Variants in CLASP2 observed in about 807,000 individuals in gnomAD.
CLASP2 encodes CLIP-associating protein 2.
In CLASP2, 47 loss-of-function variants were observed where a neutral mutation model predicts 194.4. The observed-to-expected ratio is 0.24, with a 90% CI of 0.19 to 0.31. The LOEUF is 0.31. CLASP2 is among the 10% of genes least tolerant of loss of function. The probability of loss-of-function intolerance (pLI) is 1.00; values close to 1 mark genes in which losing one functional copy is unlikely to be tolerated. For missense variants in CLASP2, 1,445 were observed against 1,823.6 expected (o/e 0.79, Z 3.78); for synonymous variants, 619 against 633.5 (o/e 0.98, Z 0.34).
intron 34 of CLASP2, among the ~76,000 whole-genome samples, chr3:33,528,250 C>A (rs187716775): frequency 3.3e-5 from 5 of 152,180 alleles, no homozygotes; most frequent in Non-Finnish European, 2.9e-5. Context: ...CTGCTTCATG[C>A]TAAAAACTCT....
At chr3:33,500,430 T>G (rs903605643) in intron 38 of CLASP2, among the ~76,000 whole-genome samples, 2 of 152,256 alleles carry the variant, frequency 1.3e-5, no homozygotes, top group Admixed American at 1.3e-4. Context: ...GTGCTGAATT[T>G]TAATTGTTTT....
chr3:33,624,842 C>T (rs894723333), intron 10 of CLASP2, among the ~76,000 whole-genome samples: 1 of 151,942 alleles, frequency 6.6e-6, no homozygotes, highest in African/African-American at 2.4e-5. Context: ...AAAATAAATA[C>T]ATTTAAATAT....
At chr3:33,528,929 G>C (rs1422853848) in intron 34 of CLASP2, among the ~76,000 whole-genome samples, 1 of 152,106 alleles carries the variant, frequency 6.6e-6, no homozygotes, top group Non-Finnish European at 1.5e-5. Flanking sequence ...AAACCCCATA[G>C]TCTCAGCCCA....
At chr3:33,545,789 A>G (rs963138415) in intron 30 of CLASP2, among the ~76,000 whole-genome samples, 2 of 152,104 alleles carry the variant, frequency 1.3e-5, no homozygotes, top group Admixed American at 1.3e-4. Flanking sequence ...GTGTGCTTGT[A>G]ATCCCAGCTA....
intron 23 of CLASP2, among the ~76,000 whole-genome samples, chr3:33,579,180 A>G (rs894219124): frequency 6.6e-6 from 1 of 152,196 alleles, no homozygotes; most frequent in African/African-American, 2.4e-5. Flanking sequence ...AACTATGACT[A>G]AAAGGTTTAG....
chr3:33,710,813 T>C (rs1232608762), intron 1 of CLASP2, among the ~76,000 whole-genome samples: 2 of 152,154 alleles, frequency 1.3e-5, no homozygotes, highest in Non-Finnish European at 2.9e-5. Flanking sequence ...CATACACCTG[T>C]AGTCCCAGCT....
chr3:33,602,470 T>C (rs539775238), intron 18 of CLASP2: 6 of 712,656 alleles, frequency 8.4e-6, no homozygotes, highest in East Asian at 7.6e-5. Context: ...ACTTTTTAAT[T>C]TGATAGACAT....
chr3:33,510,861 G>T, intron 36 of CLASP2, 97 bp from the exon 37 acceptor site: 1 of 1,095,276 alleles, frequency 9.1e-7, no homozygotes, highest in Non-Finnish European at 1.3e-6. Context: ...TATAATATAT[G>T]GAATTTGCTT....
chr3:33,609,682 C>T (rs961081327), intron 13 of CLASP2, among the ~76,000 whole-genome samples: 1 of 152,142 alleles, frequency 6.6e-6, no homozygotes, highest in African/African-American at 2.4e-5. Context: ...ATAATCTGTA[C>T]CCTTAGTTCT....
At chr3:33,710,581 A>G (rs935903848) in intron 1 of CLASP2, among the ~76,000 whole-genome samples, 3 of 152,100 alleles carry the variant, frequency 2.0e-5, no homozygotes, top group Non-Finnish European at 4.4e-5. Flanking sequence ...TCCAAAATAA[A>G]TAAATAATAA....
intron 30 of CLASP2, chr3:33,545,090 A>C: frequency 3.5e-6 from 1 of 281,776 alleles, no homozygotes; most frequent in Non-Finnish European, 6.5e-6. Flanking sequence ...AGACAATGGA[A>C]AAGTTAACCA....
rs1560199646 is a variant in CLASP2 at position 33,592,710 on chromosome 3, T to G, written c.1967-214A>C. Reference sequence around the variant, plus strand: ...AATTTTCCTTCAAGGATAAGAAGAATCAAACTAAAAGATTTACATTCTTAG... The same window carrying G: ...AATTTTCCTTCAAGGATAAGAAGAAGCAAACTAAAAGATTTACATTCTTAG... On this transcript the variant is annotated intron_variant, in intron 20 of 38. Coordinates refer to ENST00000682230, the MANE Select transcript of CLASP2 (RefSeq NM_001365631.1). 3 of 604,794 alleles carry G rather than the reference T, an allele frequency of 5.0e-6. No homozygotes were observed. The African/African-American group carries it at 5.6e-5, about 11-fold the overall frequency. The allele number at this position is 604,794 out of a possible 1,614,324, so 37.5% of individuals were successfully genotyped here.
chr3:33,527,952 G>A (rs2055069429), intron 34 of CLASP2, among the ~76,000 whole-genome samples: 2 of 152,008 alleles, frequency 1.3e-5, no homozygotes, highest in South Asian at 4.2e-4. Flanking sequence ...GACAGAGCGA[G>A]ACTGTCTCAA....
intron 10 of CLASP2, among the ~76,000 whole-genome samples, chr3:33,623,476 A>G (rs1381583926): frequency 6.6e-6 from 1 of 151,750 alleles, no homozygotes; most frequent in Admixed American, 6.6e-5. Flanking sequence ...CTCTATCTCA[A>G]GTTCAATTTT....
intron 20 of CLASP2, among the ~76,000 whole-genome samples, chr3:33,594,157 T>C (rs1407514462): frequency 6.6e-6 from 1 of 152,220 alleles, no homozygotes; most frequent in Non-Finnish European, 1.5e-5. Context: ...AATCATGTTT[T>C]TATACAGTAT....
chr3:33,633,336 T>G (rs1287527569), intron 8 of CLASP2, among the ~76,000 whole-genome samples: 1 of 151,966 alleles, frequency 6.6e-6, no homozygotes, highest in African/African-American at 2.4e-5. Flanking sequence ...CCCCAACCAA[T>G]AAGTGGGGCA....
At chr3:33,619,510 G>T in intron 12 of CLASP2, 93 bp downstream of exon 12, 2 of 1,080,976 alleles carry the variant, frequency 1.9e-6, no homozygotes, top group Non-Finnish European at 2.6e-6. Context: ...TGAGAGAGAG[G>T]GGTGGGGTGG....
intron 34 of CLASP2, among the ~76,000 whole-genome samples, chr3:33,534,000 C>T (rs2056847223): frequency 6.6e-6 from 1 of 152,138 alleles, no homozygotes; most frequent in African/African-American, 2.4e-5. Context: ...CAGGAGTGAG[C>T]CACTGCGCCT....
At chr3:33,692,503 C>T (rs974912390) in intron 2 of CLASP2, among the ~76,000 whole-genome samples, 1 of 152,182 alleles carries the variant, frequency 6.6e-6, no homozygotes, top group African/African-American at 2.4e-5. Flanking sequence ...TGCACTGGAT[C>T]GCTTTTTAAC....
Sources: allele counts gnomAD v4.1 joint callset (sites outside exome capture counted in the v4.1 genomes callset), GRCh38; gene constraint gnomAD v4.1.1; transcripts MANE v1.5; gene names NCBI Gene and HGNC (gene_info 2026-07-23, HGNC 2026-07-21).